The following EHD4 variants were observed in gnomAD, a reference collection of about 807,000 sequenced individuals.
EHD4 encodes EH domain-containing protein 4.
Under a neutral mutation model 51.0 loss-of-function variants are expected in EHD4, and 37 were observed. The observed-to-expected ratio is 0.73, with a 90% confidence interval of 0.56 to 0.95. EHD4 has a LOEUF of 0.95. Ranked by LOEUF, EHD4 falls within the 40% of genes least tolerant of loss-of-function variation. EHD4 has a pLI of 0.00. For missense variants in EHD4, 632 were observed against 733.1 expected (o/e 0.86, Z 1.59); for synonymous variants, 297 against 317.3 (o/e 0.94, Z 0.68).
Position 41,972,438 on chromosome 15 carries a change from G to A in EHD4, c.57C>T (p.Asp19=), listed in dbSNP as rs370378699. ...GCCCGCCCGTCACCGTCTGCACCGCGTCCGCGCCGCCAGCGCGTTCGCGCC... is the reference window on the plus strand; with the variant it reads ...GCCCGCCCGTCACCGTCTGCACCGCATCCGCGCCGCCAGCGCGTTCGCGCC... ...AGGRERAGGA[D]AVQTVTGGLR... is the part of the protein sequence containing the mutation. Residue 19 remains aspartate (D), a synonymous_variant, in exon 1 of 6, where the codon GAC becomes GAT. Coordinates refer to ENST00000220325, the MANE Select transcript of EHD4 (RefSeq NM_139265.4). 4.9e-5 allele frequency: 78 copies of A among 1,589,936 alleles called. No homozygotes were observed. The highest frequency in any genetic ancestry group is 1.2e-4 in the Admixed American group (7 of 57,558).
chr15:41,914,450 A>G (rs1449647015), intron 4 of EHD4, among the ~76,000 whole-genome samples: 1 of 150,546 alleles, frequency 6.6e-6, no homozygotes, highest in Non-Finnish European at 1.5e-5. Context: ...TGAGAGGCAG[A>G]GAAGGGCAGC....
At chr15:41,929,962 C>T (rs1240779594) in intron 3 of EHD4, among the ~76,000 whole-genome samples, 1 of 152,166 alleles carries the variant, frequency 6.6e-6, no homozygotes, top group Non-Finnish European at 1.5e-5. Context: ...CTCTAAATGA[C>T]ACAATTATCA....
intron 3 of EHD4, among the ~76,000 whole-genome samples, chr15:41,940,470 G>T (rs1272403447): frequency 1.3e-5 from 2 of 152,212 alleles, no homozygotes; most frequent in African/African-American, 4.8e-5. Flanking sequence ...TGGGGTTAGT[G>T]TGTTGAAAAT....
intron 5 of EHD4, among the ~76,000 whole-genome samples, chr15:41,907,453 T>C (rs2067519969): frequency 6.6e-6 from 1 of 152,168 alleles, no homozygotes. Context: ...AAAACCCAAT[T>C]CAGCTTGTGA....
At chr15:41,950,270 C>T (rs2067844320) in intron 2 of EHD4, among the ~76,000 whole-genome samples, 1 of 152,198 alleles carries the variant, frequency 6.6e-6, no homozygotes, top group Admixed American at 6.5e-5. Context: ...GGTGTTGTCC[C>T]CCTCCAGGTA....
chr15:41,937,124 A>G (rs1296008727), intron 3 of EHD4, among the ~76,000 whole-genome samples: 4 of 152,204 alleles, frequency 2.6e-5, no homozygotes. Context: ...TGCATGTTCT[A>G]TTCTACAGAA....
intron 1 of EHD4, among the ~76,000 whole-genome samples, chr15:41,961,609 G>A (rs1310911089): frequency 6.6e-6 from 1 of 152,136 alleles, no homozygotes; most frequent in Non-Finnish European, 1.5e-5. Context: ...AAAGGAAAAG[G>A]CTAAAAGGCA....
intron 1 of EHD4, 74 bp from the exon 2 acceptor site, chr15:41,954,014 AC>A: frequency 6.6e-7 from 1 of 1,513,026 alleles, no homozygotes; most frequent in Non-Finnish European, 9.0e-7. Flanking sequence ...GCCTGGGATT[AC>A]CAATTTTTTT....
At chr15:41,950,014 C>T (rs1261305500) in intron 2 of EHD4, among the ~76,000 whole-genome samples, 1 of 152,204 alleles carries the variant, frequency 6.6e-6, no homozygotes, top group Non-Finnish European at 1.5e-5. Context: ...CCAGATGGGC[C>T]ACTGAGGAAT....
intron 1 of EHD4, among the ~76,000 whole-genome samples, chr15:41,954,181 G>A (rs1002473647): frequency 6.6e-6 from 1 of 152,104 alleles, no homozygotes; most frequent in African/African-American, 2.4e-5. Context: ...GCTCCCTTAG[G>A]GGAGCCTCCC....
intron 3 of EHD4, chr15:41,926,216 T>G (rs1032126397): frequency 2.6e-5 from 4 of 151,924 alleles, no homozygotes; most frequent in African/African-American, 9.7e-5. Flanking sequence ...AAGAAAGATG[T>G]GTGTTAATGA....
At chr15:41,928,402 G>C (rs2067676869) in intron 3 of EHD4, 1 of 152,142 alleles carries the variant, frequency 6.6e-6, no homozygotes. Context: ...GCACACAGCT[G>C]TTTCTCAGGG....
At chr15:41,913,138 C>T (rs749889110) in intron 4 of EHD4, among the ~76,000 whole-genome samples, 4 of 152,262 alleles carry the variant, frequency 2.6e-5, no homozygotes, top group East Asian at 3.9e-4. Context: ...CGGGACACCA[C>T]GTGGGAATGC....
intron 1 of EHD4, 31 bp downstream of exon 1, chr15:41,972,228 G>A: frequency 6.6e-7 from 1 of 1,510,478 alleles, no homozygotes; most frequent in Non-Finnish European, 8.9e-7. Flanking sequence ...GCGGAGCGGG[G>A]CGGGAGCCGG....
chr15:41,927,876 G>T (rs2067672944), intron 3 of EHD4, among the ~76,000 whole-genome samples: 1 of 152,150 alleles, frequency 6.6e-6, no homozygotes, highest in African/African-American at 2.4e-5. Context: ...CAGTAAAATT[G>T]GTTTAATCAA....
rs1292077691 is a variant in EHD4, at chr15:41,898,400, A to G, written c.*2245T>C. The G allele has an allele frequency of 6.6e-6, 1 of 152,246 alleles. No individual in the cohort carries two copies. Among genetic ancestry groups the G allele is most frequent in the African/African-American group, 2.4e-5 (1 of 41,464 alleles). 9.4% of individuals were successfully genotyped at this position (152,246 alleles called of 1,614,324 possible). A position where few individuals can be genotyped will look rare whatever the true frequency, so the allele number is the denominator to read the frequency against. Reference sequence around the variant, plus strand: ...CACACATGTATATAAATTCATGTTTATATATGACAATTGAGGAGAGTTAAA... The same window carrying G: ...CACACATGTATATAAATTCATGTTTGTATATGACAATTGAGGAGAGTTAAA... On this transcript the variant is annotated 3_prime_UTR_variant, in exon 6 of 6. Transcript: ENST00000220325.
chr15:41,900,369 G>A lies in EHD4; in HGVS notation c.*276C>T. On this transcript the variant is annotated 3_prime_UTR_variant, in exon 6 of 6. Transcript: ENST00000220325. The surrounding 1 kb of genome is among the most constrained non-coding windows in gnomAD (Gnocchi z 4.8). The stretch of plus-strand genomic sequence containing the variant: ...CCCACCCCCATGCGCATTTCTCCAG[G>A]CAGGTTCTGAGGACTCTTTGGACAA... 2.2e-6 allele frequency: 1 copy of A among 457,828 alleles called. No homozygotes were observed. The highest frequency in any genetic ancestry group is 3.8e-5 in the Admixed American group (1 of 26,180). The allele number at this position is 457,828 out of a possible 1,614,324, so 28.4% of individuals were successfully genotyped here.
intron 4 of EHD4, among the ~76,000 whole-genome samples, chr15:41,916,800 T>C (rs1648819): frequency 0.054 from 8,281 of 152,254 alleles, 766 homozygotes; most frequent in African/African-American, 0.19. Context: ...AAGCTCCGGC[T>C]GCAAATACCC....
intron 4 of EHD4, among the ~76,000 whole-genome samples, chr15:41,913,815 C>T (rs960477728): frequency 6.6e-6 from 1 of 152,130 alleles, no homozygotes; most frequent in African/African-American, 2.4e-5. Flanking sequence ...TTTGAACATT[C>T]GTATCTTGTT....
Sources: gnomAD v4.1 joint callset for allele counts (sites outside exome capture counted in the v4.1 genomes callset) on GRCh38, gnomAD v4.1.1 for gene constraint, Gnocchi (gnomAD v3.1) non-coding constraint, MANE v1.5 for transcripts, NCBI Gene and HGNC (gene_info 2026-07-23, HGNC 2026-07-21) for gene names.